The following THSD7B variants were observed in gnomAD, a reference collection of about 807,000 sequenced individuals.
THSD7B encodes the protein thrombospondin type-1 domain-containing protein 7B.
THSD7B carries 138 observed loss-of-function variants against 213.6 expected under a neutral mutation model. That is an observed-to-expected ratio of 0.65 (90% confidence interval 0.56 to 0.74). The LOEUF (loss-of-function observed/expected upper bound fraction) is 0.74. Among genes scored for constraint, THSD7B ranks in the 30% least tolerant of loss-of-function variants. THSD7B has a pLI of 0.00. For missense variants in THSD7B, 1,931 were observed against 1,991.5 expected, an observed-to-expected ratio of 0.97 and a Z score of 0.58; for synonymous variants, 742 against 687.0, an observed-to-expected ratio of 1.08 and a Z score of -1.25.
intron 2 of THSD7B, among the ~76,000 whole-genome samples, chr2:136,926,617 T>C (rs982322491): frequency 3.9e-5 from 6 of 151,930 alleles, no homozygotes; most frequent in Non-Finnish European, 8.8e-5. Context: ...TGGTCTGGGC[T>C]TGAGAGGTCA....
Position 136,866,125 on chromosome 2 carries a change from G to C in THSD7B, c.-35-16019G>C, listed in dbSNP as rs190232627. ...GGGTGTGATTGTCGCTTTGAGCACA[G>C]GAAAAAGTGGGATTTCTTTTTTTAA... On this transcript the variant is annotated intron_variant, in intron 1 of 27. Transcript: ENST00000409968. Among the ~76,000 whole-genome samples, 22 of 152,282 alleles carry C rather than the reference G, an allele frequency of 1.4e-4. No individual in the cohort carries two copies. In the East Asian group the frequency reaches 4.1e-3, roughly 28 times the overall value.
intron 14 of THSD7B, among the ~76,000 whole-genome samples, chr2:137,441,942 C>T (rs1484571661): frequency 6.6e-6 from 1 of 151,976 alleles, no homozygotes; most frequent in Admixed American, 6.6e-5. Context: ...TGCTATATAG[C>T]TTTTAGTAGC....
Position 137,053,825 on chromosome 2 carries a change from CA to C in THSD7B, c.140-2586del, listed in dbSNP as rs940992380. Reference sequence around the variant, plus strand: ...TTACTTAAAAATCCACAGTGCTCTACAAAAAAAAATTTCCTTTAACTTTATC... The same window carrying C: ...TTACTTAAAAATCCACAGTGCTCTACAAAAAAAATTTCCTTTAACTTTATC... On this transcript the variant is annotated intron_variant, in intron 2 of 27. Transcript: ENST00000409968. Among the ~76,000 whole-genome samples the C allele has an allele frequency of 1.4e-4, 21 of 151,264 alleles. No homozygotes were observed. In the East Asian group the frequency reaches 3.7e-3, roughly 27 times the overall value.
At chr2:137,552,545 C>T (rs1473427369) in intron 15 of THSD7B, among the ~76,000 whole-genome samples, 1 of 152,028 alleles carries the variant, frequency 6.6e-6, no homozygotes, top group Non-Finnish European at 1.5e-5. Context: ...ACTTAAGACA[C>T]AGAATACCTT....
chr2:137,250,283 A>G (rs4954373), intron 10 of THSD7B, among the ~76,000 whole-genome samples: 96,114 of 151,964 alleles, frequency 0.63, 31,128 homozygotes, highest in East Asian at 0.95. Flanking sequence ...CTGTATATAA[A>G]TATGGGGTAT....
At chr2:137,366,545 T>G (rs557152745) in intron 12 of THSD7B, among the ~76,000 whole-genome samples, 1 of 152,098 alleles carries the variant, frequency 6.6e-6, no homozygotes, top group Non-Finnish European at 1.5e-5. Context: ...TCACAAATGG[T>G]TTCTCCTTCC....
At chr2:137,318,262 A>G (rs796069118) in intron 12 of THSD7B, among the ~76,000 whole-genome samples, 20 of 152,288 alleles carry the variant, frequency 1.3e-4, no homozygotes, top group African/African-American at 4.8e-4. Flanking sequence ...TTTATTCTCT[A>G]GCCATCTCTG....
At chr2:137,517,286 G>C (rs1443190221) in intron 15 of THSD7B, among the ~76,000 whole-genome samples, 1 of 152,206 alleles carries the variant, frequency 6.6e-6, no homozygotes, top group Non-Finnish European at 1.5e-5. Context: ...TATCACACTG[G>C]TCCATTACAT....
chr2:137,154,122 G>T (rs753580795), intron 5 of THSD7B, among the ~76,000 whole-genome samples: 7 of 152,082 alleles, frequency 4.6e-5, no homozygotes, highest in Non-Finnish European at 8.8e-5. Context: ...TATTTGTAGG[G>T]TTACTTAGGT....
At chr2:137,458,840 T>G (rs985608555) in intron 15 of THSD7B, among the ~76,000 whole-genome samples, 13 of 152,288 alleles carry the variant, frequency 8.5e-5, no homozygotes, top group African/African-American at 2.9e-4. Flanking sequence ...CTCCATAAAC[T>G]TTTCATAAAG....
At chr2:137,334,787 G>A (rs1286857714) in intron 12 of THSD7B, among the ~76,000 whole-genome samples, 1 of 152,150 alleles carries the variant, frequency 6.6e-6, no homozygotes, top group East Asian at 1.9e-4. Flanking sequence ...GTCCCCACCC[G>A]AATCTCACCT....
At chr2:137,031,456 C>G (rs926057847) in intron 2 of THSD7B, among the ~76,000 whole-genome samples, 1 of 152,130 alleles carries the variant, frequency 6.6e-6, no homozygotes, top group African/African-American at 2.4e-5. Flanking sequence ...TAGATTTTGT[C>G]ACACTTTGCC....
intron 15 of THSD7B, among the ~76,000 whole-genome samples, chr2:137,547,012 T>C (rs1680753995): frequency 6.6e-6 from 1 of 152,042 alleles, no homozygotes. Flanking sequence ...TTCCTCACTG[T>C]CTGCCTCAGA....
chr2:137,159,391 G>A (rs1466025510), intron 5 of THSD7B, among the ~76,000 whole-genome samples: 1 of 151,628 alleles, frequency 6.6e-6, no homozygotes, highest in Non-Finnish European at 1.5e-5. Flanking sequence ...TGGTACCACT[G>A]CACTCCAGCC....
chr2:137,075,859 A>C (rs997985987), intron 3 of THSD7B, among the ~76,000 whole-genome samples: 1 of 152,144 alleles, frequency 6.6e-6, no homozygotes, highest in Non-Finnish European at 1.5e-5. Flanking sequence ...CACTCCAGAC[A>C]CTGTTTGCCT....
At chr2:136,911,529 G>T (rs1684257308) in intron 2 of THSD7B, among the ~76,000 whole-genome samples, 1 of 152,174 alleles carries the variant, frequency 6.6e-6, no homozygotes, top group Non-Finnish European at 1.5e-5. Flanking sequence ...GTTTCATTAA[G>T]GAAGGAAAGA....
At chr2:136,958,087 C>A (rs1238463141) in intron 2 of THSD7B, among the ~76,000 whole-genome samples, 1 of 151,966 alleles carries the variant, frequency 6.6e-6, no homozygotes, top group African/African-American at 2.4e-5. Flanking sequence ...AATTAATATT[C>A]TCATCTTATT....
chr2:136,777,374 G>A (rs1222287992), intron 1 of THSD7B, among the ~76,000 whole-genome samples: 1 of 152,048 alleles, frequency 6.6e-6, no homozygotes, highest in Non-Finnish European at 1.5e-5. Context: ...TCAAATTCTA[G>A]CTTCTGAAAC....
At chr2:136,984,658 A>G (rs1209085421) in intron 2 of THSD7B, among the ~76,000 whole-genome samples, 1 of 152,238 alleles carries the variant, frequency 6.6e-6, no homozygotes, top group Non-Finnish European at 1.5e-5. Flanking sequence ...ATGGCCTAAT[A>G]GAGAAAATTA....
Sources: gnomAD v4.1 joint callset for allele counts (sites outside exome capture counted in the v4.1 genomes callset) on GRCh38, gnomAD v4.1.1 for gene constraint, MANE v1.5 for transcripts, NCBI Gene and HGNC (gene_info 2026-07-23, HGNC 2026-07-21) for gene names.